Variants in JAK1 observed in about 807,000 individuals in gnomAD.
The protein encoded by JAK1 is Janus kinase 1.
In JAK1, 16 loss-of-function variants were observed where a neutral mutation model predicts 136.6. The observed-to-expected ratio is 0.12, with a 90% confidence interval of 0.08 to 0.18. JAK1 has a LOEUF of 0.18. Ranked by LOEUF, JAK1 falls within the 10% of genes least tolerant of loss-of-function variation. JAK1 has a pLI of 1.00. For synonymous variants in JAK1, 492 were observed against 519.5 expected (o/e 0.95, Z 0.72); for missense variants, 859 against 1,450.1 (o/e 0.59, Z 6.62).
intron 11 of JAK1, among the ~76,000 whole-genome samples, chr1:64,853,797 G>A (rs539712165): frequency 4.1e-4 from 62 of 152,178 alleles, no homozygotes; most frequent in African/African-American, 1.4e-3. Flanking sequence ...CATTATTCAC[G>A]CTGACTCCGT....
chr1:65,064,504 TAGCCC>T, intron 1 of JAK1, among the ~76,000 whole-genome samples: 1 of 152,342 alleles, frequency 6.6e-6, no homozygotes, highest in East Asian at 1.9e-4. Flanking sequence ...GTTTATTAGG[TAGCCC>T]TTCCAAAAGA....
chr1:65,001,192 G>T (rs983703874), intron 2 of JAK1, among the ~76,000 whole-genome samples: 2 of 152,090 alleles, frequency 1.3e-5, no homozygotes, highest in Admixed American at 1.3e-4. Flanking sequence ...ACTTTCATTC[G>T]CCGATTTCAC....
intron 1 of JAK1, among the ~76,000 whole-genome samples, chr1:65,063,804 C>CAA (rs370192253): frequency 8.1e-4 from 66 of 81,300 alleles, no homozygotes; most frequent in Middle Eastern, 6.6e-3. Context: ...GACTCTATCT[C>CAA]AAAAAAAAAA....
chr1:64,894,779 AAAAC>A (rs767806444), intron 1 of JAK1, among the ~76,000 whole-genome samples: 2 of 151,738 alleles, frequency 1.3e-5, no homozygotes, highest in Non-Finnish European at 2.9e-5. Flanking sequence ...TACGTCTCAA[AAAAC>A]AAACAAAAAA....
At chr1:64,839,020 C>T (rs1231720019) in intron 20 of JAK1, among the ~76,000 whole-genome samples, 5 of 150,288 alleles carry the variant, frequency 3.3e-5, no homozygotes, top group African/African-American at 7.4e-5. Context: ...ATGGCGGGCG[C>T]CTGTAGTCCC....
intron 1 of JAK1, among the ~76,000 whole-genome samples, chr1:64,957,744 A>T (rs190078622): frequency 1.2e-4 from 19 of 152,066 alleles, no homozygotes; most frequent in African/African-American, 4.6e-4. Flanking sequence ...GGAGATCGAG[A>T]CCATCCTGGC....
chr1:65,004,735 G>A (rs970439381), intron 2 of JAK1, among the ~76,000 whole-genome samples: 1 of 152,172 alleles, frequency 6.6e-6, no homozygotes, highest in African/African-American at 2.4e-5. Context: ...TAATTACAAT[G>A]TGGTTATAAT....
chr1:64,946,598 A>AC (rs1645991591), intron 1 of JAK1, among the ~76,000 whole-genome samples: 1 of 152,230 alleles, frequency 6.6e-6, no homozygotes, highest in Non-Finnish European at 1.5e-5. Context: ...AATAAAGCAA[A>AC]CATTTTGCTG....
At chr1:65,041,633 T>C (rs1215667077) in intron 2 of JAK1, among the ~76,000 whole-genome samples, 1 of 152,170 alleles carries the variant, frequency 6.6e-6, no homozygotes, top group Non-Finnish European at 1.5e-5. Context: ...GGGGCGCTAG[T>C]TTCCAGCTCT....
In JAK1 at chr1:64,965,546, CTCCGA is replaced by C. The variant is rs946474313; in HGVS notation, c.-78+782_-78+786del. Among the ~76,000 whole-genome samples, 6 of 152,248 alleles carry C rather than the reference CTCCGA, an allele frequency of 3.9e-5. No individual in the cohort carries two copies. In the South Asian group the frequency reaches 1.2e-3, roughly 32 times the overall value. On this transcript the variant is annotated intron_variant, in intron 1 of 24. Transcript: ENST00000342505. ...GACTTTGGAGGAGTGTCTATTAGTC[CTCCGA>C]TGCTCCCGGTCGCCGACGATGCGCG...
intron 1 of JAK1, among the ~76,000 whole-genome samples, chr1:65,045,567 C>T (rs940745584): frequency 6.6e-6 from 1 of 152,156 alleles, no homozygotes; most frequent in Non-Finnish European, 1.5e-5. Context: ...CTAGCTTTAT[C>T]CTCTGTGAGC....
At chr1:64,923,721 C>A (rs988379503) in intron 1 of JAK1, among the ~76,000 whole-genome samples, 3 of 152,114 alleles carry the variant, frequency 2.0e-5, no homozygotes, top group African/African-American at 7.2e-5. Flanking sequence ...CATGCCATGA[C>A]TTAAAACAAA....
chr1:65,057,600 G>A (rs900735265), intron 1 of JAK1, among the ~76,000 whole-genome samples: 1 of 152,046 alleles, frequency 6.6e-6, no homozygotes, highest in Non-Finnish European at 1.5e-5. Context: ...GAGGTGGGAG[G>A]ATTGCTTGAG....
chr1:64,902,581 A>AGT (rs1394514935), intron 1 of JAK1, among the ~76,000 whole-genome samples: 387 of 14,800 alleles, frequency 0.026, 2 homozygotes, highest in African/African-American at 0.039. Flanking sequence ...AGAGAGAGAG[A>AGT]GAGTGTGTGT....
At chr1:64,881,831 T>C (rs767981227) in intron 3 of JAK1, among the ~76,000 whole-genome samples, 2 of 152,106 alleles carry the variant, frequency 1.3e-5, no homozygotes, top group African/African-American at 4.8e-5. Flanking sequence ...CAATGACCTT[T>C]GCTTACAAAC....
chr1:64,836,723 T>C (rs1168979913), intron 22 of JAK1, among the ~76,000 whole-genome samples: 3 of 152,178 alleles, frequency 2.0e-5, no homozygotes, highest in Non-Finnish European at 4.4e-5. Flanking sequence ...CAAACCCTAC[T>C]GTCACTCTCC....
chr1:64,861,305 C>T (rs1656322473), intron 8 of JAK1, among the ~76,000 whole-genome samples: 1 of 152,074 alleles, frequency 6.6e-6, no homozygotes, highest in Non-Finnish European at 1.5e-5. Flanking sequence ...GCCTAGGGAG[C>T]TCTGAGAGTT....
intron 1 of JAK1, chr1:65,067,596 A>T (rs926781886): frequency 7.8e-6 from 1 of 128,836 alleles, no homozygotes; most frequent in Non-Finnish European, 1.7e-5. Context: ...CGCCGCCCCC[A>T]CACCCACCTG....
intron 22 of JAK1, 30 bp downstream of exon 22, chr1:64,837,902 T>G (rs925440942): frequency 6.3e-7 from 1 of 1,586,920 alleles, no homozygotes; most frequent in Admixed American, 1.7e-5. Context: ...TATGAAGCAT[T>G]GATAAAACCT....
Sources: allele counts gnomAD v4.1 joint callset (sites outside exome capture counted in the v4.1 genomes callset), GRCh38; gene constraint gnomAD v4.1.1; transcripts MANE v1.5; gene names NCBI Gene and HGNC (gene_info 2026-07-23, HGNC 2026-07-21).